Variants in CACNG5 observed in about 807,000 individuals in gnomAD.
CACNG5 encodes the protein voltage-dependent calcium channel gamma-5 subunit.
CACNG5 carries 18 observed loss-of-function variants against 24.8 expected under a neutral mutation model. That is an observed-to-expected ratio of 0.73 (90% CI 0.50 to 1.08). The LOEUF (loss-of-function observed/expected upper bound fraction) is 1.08, where lower values mean the gene tolerates loss of function less well. Among genes scored for constraint, CACNG5 ranks in the 50% least tolerant of loss-of-function variants. CACNG5 has a pLI of 0.00. For missense variants in CACNG5, 349 were observed against 367.9 expected, an observed-to-expected ratio of 0.95 and a Z score of 0.42; for synonymous variants, 157 against 149.1, an observed-to-expected ratio of 1.05 and a Z score of -0.39.
intron 1 of CACNG5, among the ~76,000 whole-genome samples, chr17:66,854,634 C>T (rs189382044): frequency 3.6e-4 from 55 of 151,928 alleles, no homozygotes; most frequent in African/African-American, 1.2e-3. Context: ...GCAGAGGTTG[C>T]AGTGAGCCAA....
intron 1 of CACNG5, among the ~76,000 whole-genome samples, chr17:66,837,191 C>A (rs995314337): frequency 6.6e-6 from 1 of 152,176 alleles, no homozygotes; most frequent in African/African-American, 2.4e-5. Flanking sequence ...TTCTCTAGCC[C>A]CCAGCTTGAC....
chr17:66,869,315 C>A (rs756935939), intron 1 of CACNG5, among the ~76,000 whole-genome samples: 2 of 152,082 alleles, frequency 1.3e-5, no homozygotes, highest in Non-Finnish European at 2.9e-5. Context: ...AACTCCTGAC[C>A]TCAAGTGATT....
chr17:66,866,777 T>G (rs1254482297), intron 1 of CACNG5, among the ~76,000 whole-genome samples: 1 of 152,240 alleles, frequency 6.6e-6, no homozygotes, highest in Admixed American at 6.5e-5. Flanking sequence ...GCTTCATCCA[T>G]GTCCCTGCAA....
chr17:66,868,415 G>A (rs543748072), intron 1 of CACNG5, among the ~76,000 whole-genome samples: 1 of 152,316 alleles, frequency 6.6e-6, no homozygotes, highest in South Asian at 2.1e-4. Flanking sequence ...CACTCCAAAA[G>A]CATAATCCTG....
intron 1 of CACNG5, among the ~76,000 whole-genome samples, chr17:66,843,929 C>T (rs1356429585): frequency 4.1e-5 from 6 of 144,790 alleles, no homozygotes; most frequent in Admixed American, 1.5e-4. Context: ...GCATGGGGGA[C>T]GCAGCTGGGA....
chr17:66,879,757 C>T (rs1252929584), intron 3 of CACNG5, among the ~76,000 whole-genome samples: 1 of 152,138 alleles, frequency 6.6e-6, no homozygotes. Context: ...GTTCATCAAC[C>T]AGGAAGCTCA....
intron 1 of CACNG5, among the ~76,000 whole-genome samples, chr17:66,850,195 ACTT>A (rs1976694872): frequency 6.6e-6 from 1 of 152,208 alleles, no homozygotes; most frequent in South Asian, 2.1e-4. Context: ...CCCTTGAAAG[ACTT>A]CTCCCCATCC....
intron 1 of CACNG5, among the ~76,000 whole-genome samples, chr17:66,850,601 C>T (rs4791024): frequency 0.47 from 60,277 of 127,808 alleles, 12,284 homozygotes; most frequent in East Asian, 0.64. Context: ...CAAATACATA[C>T]ACACACACAC....
rs771182189 is a variant in CACNG5, at chr17:66,889,108, G to A, written c.*3868G>A. Among the ~76,000 whole-genome samples the A allele has an allele frequency of 3.2e-4, 48 of 152,156 alleles. No individual in the cohort carries two copies. Among genetic ancestry groups the A allele is most frequent in the Non-Finnish European group, 6.0e-4 (41 of 68,030 alleles). On this transcript the variant is annotated 3_prime_UTR_variant, in exon 6 of 6. Transcript: ENST00000533854. ...CCCAAGTAGCTGGGATCACAGGCAT[G>A]CACCATCATGCCCAGCTAATTTTTT... is the stretch of plus-strand genomic sequence containing the variant.
chr17:66,851,137 T>G (rs1976705902), intron 1 of CACNG5, among the ~76,000 whole-genome samples: 1 of 151,968 alleles, frequency 6.6e-6, no homozygotes. Context: ...CTGCCCAGAT[T>G]CTCTAGGAAG....
chr17:66,880,838 T>A, intron 4 of CACNG5, 141 bp downstream of exon 4: 1 of 834,216 alleles, frequency 1.2e-6, no homozygotes, highest in Non-Finnish European at 1.9e-6. Context: ...ACCTCCCGGA[T>A]TCAAGCAATT....
chr17:66,854,752 C>T (rs1320613151), intron 1 of CACNG5, among the ~76,000 whole-genome samples: 1 of 151,756 alleles, frequency 6.6e-6, no homozygotes, highest in Non-Finnish European at 1.5e-5. Flanking sequence ...CGTTTCAGCA[C>T]ATACATATGG....
At chr17:66,876,716 T>G (rs2143109908) in intron 1 of CACNG5, among the ~76,000 whole-genome samples, 1 of 152,318 alleles carries the variant, frequency 6.6e-6, no homozygotes, top group South Asian at 2.1e-4. Flanking sequence ...CCAAGGCTGC[T>G]GCCATTTTCC....
chr17:66,846,882 C>A (rs950847240), intron 1 of CACNG5, among the ~76,000 whole-genome samples: 1 of 152,226 alleles, frequency 6.6e-6, no homozygotes, highest in Non-Finnish European at 1.5e-5. Context: ...TACGCTCCCA[C>A]CTGCAAAGTA....
intron 1 of CACNG5, among the ~76,000 whole-genome samples, chr17:66,849,581 G>A (rs1447683133): frequency 6.6e-6 from 1 of 152,170 alleles, no homozygotes; most frequent in East Asian, 1.9e-4. Flanking sequence ...CAGGCTGAAT[G>A]GCTGAACACA....
intron 1 of CACNG5, among the ~76,000 whole-genome samples, chr17:66,855,587 G>A (rs761738461): frequency 2.6e-5 from 4 of 152,216 alleles, no homozygotes; most frequent in East Asian, 1.9e-4. Context: ...GCAGTGTTGC[G>A]ATCTCGGTTC....
rs1436858103 is a variant in CACNG5 at position 66,888,449 on chromosome 17, C to G, written c.*3209C>G. Among the ~76,000 whole-genome samples the G allele has an allele frequency of 1.4e-5, 2 of 145,024 alleles. No homozygotes were observed. The highest frequency in any genetic ancestry group is 2.6e-5 in the African/African-American group (1 of 38,912). On this transcript the variant is annotated 3_prime_UTR_variant, in exon 6 of 6. Transcript: ENST00000533854. The stretch of plus-strand genomic sequence containing the variant: ...GTCCCAGCTACTTGGGAGGCTGAAG[C>G]AGGAGAATGGCGTGAACCTGGGAGG...
chr17:66,875,769 A>T (rs1013536003), intron 1 of CACNG5, among the ~76,000 whole-genome samples: 1 of 152,186 alleles, frequency 6.6e-6, no homozygotes, highest in Non-Finnish European at 1.5e-5. Context: ...CAGTTTCAAA[A>T]GTTCTGACTT....
Position 66,889,677 on chromosome 17 carries a change from T to C in CACNG5, c.*4437T>C, listed in dbSNP as rs1977314129. On this transcript the variant is annotated 3_prime_UTR_variant, in exon 6 of 6. Transcript: ENST00000533854. ...GTTCAAGTCCAAACTTGCAGTCTCC[T>C]GGCAGAAATCCTGGCTGCTCAGGGG... 6.6e-6 allele frequency among the ~76,000 whole-genome samples: 1 copy of C among 152,218 alleles called. No individual in the cohort carries two copies. Among genetic ancestry groups the C allele is most frequent in the Non-Finnish European group, 1.5e-5 (1 of 68,040 alleles).
Sources: gnomAD v4.1 joint callset for allele counts (sites outside exome capture counted in the v4.1 genomes callset) on GRCh38, gnomAD v4.1.1 for gene constraint, MANE v1.5 for transcripts, NCBI Gene and HGNC (gene_info 2026-07-23, HGNC 2026-07-21) for gene names.